The following ARHGEF3 variants were observed in gnomAD, a reference collection of about 807,000 sequenced individuals.
ARHGEF3 encodes Rho guanine nucleotide exchange factor 3.
In ARHGEF3, 28 loss-of-function variants were observed where a neutral mutation model predicts 63.2. That is an observed-to-expected ratio of 0.44 (90% CI 0.33 to 0.61). The LOEUF (loss-of-function observed/expected upper bound fraction) is 0.61. Among genes scored for constraint, ARHGEF3 ranks in the 20% least tolerant of loss-of-function variants. The pLI, the probability that ARHGEF3 is intolerant of heterozygous loss-of-function variation, is 0.03. For missense variants in ARHGEF3, 533 were observed against 659.3 expected, an observed-to-expected ratio of 0.81 and a Z score of 2.10; for synonymous variants, 266 against 254.2, an observed-to-expected ratio of 1.05 and a Z score of -0.44.
intron 3 of ARHGEF3, among the ~76,000 whole-genome samples, chr3:56,885,353 C>A (rs1463870372): frequency 6.6e-6 from 1 of 152,172 alleles, no homozygotes; most frequent in East Asian, 1.9e-4. Flanking sequence ...TGTTGGGCGA[C>A]AAGACCTGGC....
At chr3:56,766,947 T>C (rs1423989846) in intron 2 of ARHGEF3, among the ~76,000 whole-genome samples, 1 of 152,158 alleles carries the variant, frequency 6.6e-6, no homozygotes, top group Non-Finnish European at 1.5e-5. Flanking sequence ...GAAACAAATG[T>C]TCAACAACAG....
At chr3:56,805,574 A>G (rs2037835074), upstream of ARHGEF3, among the ~76,000 whole-genome samples, 1 of 152,216 alleles carries the variant, frequency 6.6e-6, no homozygotes, top group African/African-American at 2.4e-5. Flanking sequence ...TTGAAGCACA[A>G]CTATTGCAGA....
At chr3:56,982,997 A>G (rs1701385101) in intron 2 of ARHGEF3, among the ~76,000 whole-genome samples, 1 of 152,220 alleles carries the variant, frequency 6.6e-6, no homozygotes, top group African/African-American at 2.4e-5. Context: ...ACAAATAAAT[A>G]TCATATGCTC....
intron 3 of ARHGEF3, among the ~76,000 whole-genome samples, chr3:56,931,625 A>T (rs900426771): frequency 6.6e-6 from 1 of 151,938 alleles, no homozygotes; most frequent in African/African-American, 2.4e-5. Flanking sequence ...TTTCCTAAAA[A>T]AACCAAATTT....
At chr3:56,842,195 T>C (rs535811081) in intron 4 of ARHGEF3, among the ~76,000 whole-genome samples, 15 of 152,346 alleles carry the variant, frequency 9.8e-5, no homozygotes, top group Non-Finnish European at 1.5e-4. Context: ...TCCCCAAGCA[T>C]GGCCCATGCA....
chr3:56,884,626 A>G (rs1437307634), intron 3 of ARHGEF3, among the ~76,000 whole-genome samples: 1 of 152,236 alleles, frequency 6.6e-6, no homozygotes, highest in Non-Finnish European at 1.5e-5. Flanking sequence ...AAGCTCACCC[A>G]GTGACTTTTA....
chr3:56,766,512 G>A (rs1309079500), intron 2 of ARHGEF3, among the ~76,000 whole-genome samples: 2 of 152,210 alleles, frequency 1.3e-5, no homozygotes, highest in Non-Finnish European at 2.9e-5. Flanking sequence ...AGCAATGGCT[G>A]CCTTTTCTAG....
intron 3 of ARHGEF3, among the ~76,000 whole-genome samples, chr3:56,950,060 G>T (rs1280577920): frequency 6.6e-6 from 1 of 151,968 alleles, no homozygotes; most frequent in Non-Finnish European, 1.5e-5. Context: ...AATGGTGCTG[G>T]GAAAACTGGC....
At chr3:57,041,073 G>A (rs1704167739) in intron 1 of ARHGEF3, among the ~76,000 whole-genome samples, 2 of 152,072 alleles carry the variant, frequency 1.3e-5, no homozygotes, top group South Asian at 4.1e-4. Flanking sequence ...TTGCTAATAG[G>A]ACCAAACACC....
chr3:56,919,725 G>A (rs1039267748), intron 3 of ARHGEF3, among the ~76,000 whole-genome samples: 5 of 152,182 alleles, frequency 3.3e-5, no homozygotes, highest in Non-Finnish European at 7.4e-5. Context: ...TTTAATATGA[G>A]CACTTACCAT....
intron 2 of ARHGEF3, among the ~76,000 whole-genome samples, chr3:56,961,613 C>T (rs1433349061): frequency 1.3e-5 from 2 of 149,418 alleles, no homozygotes; most frequent in African/African-American, 2.4e-5. Context: ...TGTTGGGCAA[C>T]TTAAGTGTCC....
rs1384354520 is a variant in ARHGEF3 at position 56,729,261 on chromosome 3, A to G, written c.*9T>C. The G allele has an allele frequency of 5.0e-6, 8 of 1,604,468 alleles. No homozygotes were observed. The highest frequency in any genetic ancestry group is 4.3e-6 in the Non-Finnish European group (5 of 1,174,470). On this transcript the variant is annotated 3_prime_UTR_variant, in exon 10 of 10. Coordinates refer to ENST00000296315, the MANE Select transcript of ARHGEF3 (RefSeq NM_019555.3). ...TGCAGGCCTGCTTCCCGAAGTGCAC[A>G]TGCTTCTGTCAGACGTTACTTTCAC...
chr3:56,779,583 C>G (rs2036470473), intron 1 of ARHGEF3, among the ~76,000 whole-genome samples: 1 of 152,150 alleles, frequency 6.6e-6, no homozygotes, highest in South Asian at 2.1e-4. Context: ...AGCTCCGCCT[C>G]CCGGGTTCAC....
intron 2 of ARHGEF3, among the ~76,000 whole-genome samples, chr3:57,001,752 G>A (rs1237721833): frequency 6.6e-6 from 1 of 152,084 alleles, no homozygotes; most frequent in Non-Finnish European, 1.5e-5. Context: ...GTGAAAAGAA[G>A]GCTTGAACTG....
intron 3 of ARHGEF3, among the ~76,000 whole-genome samples, chr3:56,931,499 C>T (rs922875039): frequency 6.8e-6 from 1 of 146,618 alleles, no homozygotes; most frequent in Non-Finnish European, 1.5e-5. Flanking sequence ...TCACCTGAGC[C>T]CAGGAGGTCA....
chr3:56,962,805 C>T (rs970451564), intron 2 of ARHGEF3, among the ~76,000 whole-genome samples: 3 of 152,166 alleles, frequency 2.0e-5, no homozygotes, highest in African/African-American at 7.2e-5. Flanking sequence ...AGGGAATGAT[C>T]TCAAATTCAA....
At chr3:56,837,738 T>C (rs954033047) in intron 4 of ARHGEF3, among the ~76,000 whole-genome samples, 3 of 152,180 alleles carry the variant, frequency 2.0e-5, no homozygotes, top group Non-Finnish European at 4.4e-5. Context: ...ATAAGTTACC[T>C]GAAAATGCTT....
At chr3:56,808,687 C>A (rs887184147) in intron 4 of ARHGEF3, among the ~76,000 whole-genome samples, 5 of 151,946 alleles carry the variant, frequency 3.3e-5, no homozygotes, top group Non-Finnish European at 5.9e-5. Flanking sequence ...AAGTGTTTTG[C>A]CCTGAAACAT....
chr3:56,869,733 G>C (rs2040372254), intron 4 of ARHGEF3, among the ~76,000 whole-genome samples: 1 of 152,140 alleles, frequency 6.6e-6, no homozygotes, highest in Admixed American at 6.5e-5. Context: ...AATTAGCTGG[G>C]CATGGAAGCC....
Sources: gnomAD v4.1 joint callset for allele counts (sites outside exome capture counted in the v4.1 genomes callset) on GRCh38, gnomAD v4.1.1 for gene constraint, MANE v1.5 for transcripts, NCBI Gene and HGNC (gene_info 2026-07-23, HGNC 2026-07-21) for gene names.